AUTS2: variants seen among roughly 807,000 people sequenced by gnomAD.
AUTS2 encodes the protein activator of transcription and developmental regulator AUTS2.
A neutral mutation model predicts 112.4 loss-of-function variants in AUTS2; 17 were observed. That is an observed-to-expected ratio of 0.15 (90% CI 0.10 to 0.23). The LOEUF is 0.23. Among genes scored for constraint, AUTS2 ranks in the 10% least tolerant of loss-of-function variants. The pLI is 1.00. For missense variants in AUTS2, 1,510 were observed against 1,701.6 expected (o/e 0.89, Z 1.98); for synonymous variants, 751 against 702.7 (o/e 1.07, Z -1.09).
At chr7:70,328,802 A>G (rs950648823) in intron 4 of AUTS2, among the ~76,000 whole-genome samples, 5 of 152,250 alleles carry the variant, frequency 3.3e-5, no homozygotes, top group African/African-American at 1.2e-4. Context: ...TTCACGTAAT[A>G]TAAAATTAAC....
rs566609104 is a variant in AUTS2, at chr7:69,965,818, A to G, written c.522+66320A>G. Among the ~76,000 whole-genome samples the G allele has an allele frequency of 2.6e-5, 4 of 152,210 alleles. No homozygotes were observed. The South Asian group carries it at 8.3e-4, about 32-fold the overall frequency. On this transcript the variant is annotated intron_variant, in intron 2 of 18. Coordinates refer to ENST00000342771, the MANE Select transcript of AUTS2 (RefSeq NM_015570.4). ...ACTAACTGGAATTAGAATCCCCTGC[A>G]ATCCTTCACTGTATGCAGATCTCGT... is the stretch of plus-strand genomic sequence containing the variant.
chr7:69,780,532 A>C (rs1435425550), intron 1 of AUTS2, among the ~76,000 whole-genome samples: 2 of 152,194 alleles, frequency 1.3e-5, no homozygotes, highest in African/African-American at 4.8e-5. Context: ...GGCCTAGGGC[A>C]AAGAGGAGGA....
chr7:69,643,181 T>C (rs1444845549), intron 1 of AUTS2: 2 of 152,304 alleles, frequency 1.3e-5, no homozygotes, highest in Non-Finnish European at 2.9e-5. Flanking sequence ...ACATGGCTGC[T>C]GGCCCCCTCA....
At chr7:70,223,390 A>G (rs140737453) in intron 4 of AUTS2, among the ~76,000 whole-genome samples, 2 of 152,304 alleles carry the variant, frequency 1.3e-5, no homozygotes, top group East Asian at 3.9e-4. Flanking sequence ...GTCCCACGAG[A>G]TTATAATGGA....
intron 4 of AUTS2, among the ~76,000 whole-genome samples, chr7:70,254,952 C>G (rs777138604): frequency 1.3e-5 from 2 of 152,148 alleles, no homozygotes; most frequent in Non-Finnish European, 2.9e-5. Context: ...ACATAACAAT[C>G]CTCATCATAA....
At chr7:70,406,266 C>T (rs949616352) in intron 4 of AUTS2, among the ~76,000 whole-genome samples, 13 of 152,136 alleles carry the variant, frequency 8.5e-5, no homozygotes, top group Non-Finnish European at 1.6e-4. Context: ...GAGGCTTCCC[C>T]CTGTTTCCCT....
chr7:70,011,831 T>C (rs1329350902), intron 2 of AUTS2, among the ~76,000 whole-genome samples: 1 of 152,184 alleles, frequency 6.6e-6, no homozygotes, highest in African/African-American at 2.4e-5. Context: ...CTGTGGAAGG[T>C]GGAGCTCCTA....
intron 1 of AUTS2, among the ~76,000 whole-genome samples, chr7:69,802,776 T>C (rs977074956): frequency 2.6e-5 from 4 of 152,208 alleles, no homozygotes; most frequent in Non-Finnish European, 4.4e-5. Flanking sequence ...TTAATGCTCC[T>C]TAGGACTTGG....
chr7:70,151,169 G>A (rs1184158532), intron 4 of AUTS2, among the ~76,000 whole-genome samples: 3 of 152,108 alleles, frequency 2.0e-5, no homozygotes, highest in African/African-American at 7.2e-5. Context: ...AGGGGGGAGG[G>A]GTGATGCACG....
chr7:69,798,130 T>C (rs867313743), intron 1 of AUTS2, among the ~76,000 whole-genome samples: 1 of 152,210 alleles, frequency 6.6e-6, no homozygotes, highest in Non-Finnish European at 1.5e-5. Flanking sequence ...TTCCAGACTT[T>C]GTTGATCTAT....
intron 4 of AUTS2, among the ~76,000 whole-genome samples, chr7:70,190,939 A>G (rs1337320785): frequency 3.3e-5 from 5 of 152,140 alleles, no homozygotes; most frequent in Non-Finnish European, 7.3e-5. Context: ...GTAAAATTCT[A>G]GTAGAAATTT....
At chr7:70,265,643 C>T (rs1787385190) in intron 4 of AUTS2, among the ~76,000 whole-genome samples, 2 of 152,232 alleles carry the variant, frequency 1.3e-5, no homozygotes, top group Middle Eastern at 3.4e-3. Flanking sequence ...TGCAGGTTAC[C>T]AGCAGGTGGA....
At chr7:70,089,589 G>A (rs1320805172) in intron 2 of AUTS2, among the ~76,000 whole-genome samples, 1 of 151,602 alleles carries the variant, frequency 6.6e-6, no homozygotes, top group Non-Finnish European at 1.5e-5. Context: ...TTTAATTGTG[G>A]ATATTTAGAC....
chr7:69,935,880 A>G (rs554845662), intron 2 of AUTS2, among the ~76,000 whole-genome samples: 2 of 152,306 alleles, frequency 1.3e-5, no homozygotes, highest in East Asian at 1.9e-4. Flanking sequence ...TTGATGTCCC[A>G]TGGCAGTTTG....
At chr7:70,586,148 C>T (rs1047967442) in intron 5 of AUTS2, among the ~76,000 whole-genome samples, 9 of 152,142 alleles carry the variant, frequency 5.9e-5, no homozygotes, top group East Asian at 1.9e-4. Context: ...CAGGCATGAG[C>T]GATCGCGCCC....
chr7:70,044,454 A>G (rs1485077935), intron 2 of AUTS2, among the ~76,000 whole-genome samples: 1 of 151,874 alleles, frequency 6.6e-6, no homozygotes, highest in Non-Finnish European at 1.5e-5. Context: ...TGGCCTGGGG[A>G]TGGGTATCAC....
chr7:70,508,070 G>A (rs1244640748), intron 5 of AUTS2, among the ~76,000 whole-genome samples: 1 of 152,150 alleles, frequency 6.6e-6, no homozygotes, highest in African/African-American at 2.4e-5. Context: ...TGATTTAATC[G>A]AAGAGCTGTC....
intron 5 of AUTS2, among the ~76,000 whole-genome samples, chr7:70,612,456 C>T (rs1350491368): frequency 2.0e-5 from 3 of 151,894 alleles, no homozygotes; most frequent in Non-Finnish European, 4.4e-5. Context: ...TGCAGATCAG[C>T]TCTCCTAAAT....
intron 1 of AUTS2, among the ~76,000 whole-genome samples, chr7:69,726,000 C>G (rs572086721): frequency 2.4e-4 from 36 of 152,214 alleles, no homozygotes; most frequent in African/African-American, 8.4e-4. Context: ...TGCAGTGCCT[C>G]TCAACTTTGT....
Sources: allele counts gnomAD v4.1 joint callset (sites outside exome capture counted in the v4.1 genomes callset), GRCh38; gene constraint gnomAD v4.1.1; transcripts MANE v1.5; gene names NCBI Gene and HGNC (gene_info 2026-07-23, HGNC 2026-07-21).